RIMBP2: variants seen among roughly 807,000 people sequenced by gnomAD.
RIMBP2 encodes RIMS binding protein 2, also known as RIMS-binding protein 2.
RIMBP2 carries 48 observed loss-of-function variants against 118.6 expected under a neutral mutation model. That is an observed-to-expected ratio of 0.40 (90% CI 0.32 to 0.51). The LOEUF (loss-of-function observed/expected upper bound fraction) is 0.51. Among genes scored for constraint, RIMBP2 ranks in the 20% least tolerant of loss-of-function variants. The probability of loss-of-function intolerance (pLI) is 0.41; values close to 1 mark genes in which losing one functional copy is unlikely to be tolerated. For synonymous variants in RIMBP2, 762 were observed against 742.9 expected (o/e 1.03, Z -0.42); for missense variants, 1,551 against 1,768.3 (o/e 0.88, Z 2.20).
chr12:130,421,638 G>A (rs76864520), intron 17 of RIMBP2, among the ~76,000 whole-genome samples: 9,361 of 151,738 alleles, frequency 0.062, 306 homozygotes, highest in Admixed American at 0.11. Flanking sequence ...GCCAAACCAA[G>A]ACGGTTTCTC....
rs1200394062 is a variant in RIMBP2, at chr12:130,451,309, C to G, written c.390G>C (p.Ala130=). The G allele has an allele frequency of 6.2e-7, 1 of 1,613,802 alleles. No homozygotes were observed. Among genetic ancestry groups the G allele is most frequent in the East Asian group, 2.2e-5 (1 of 44,880 alleles). ...GQESAIGGSS[A]IGEYIRPLPQ... Reference sequence around the variant, plus strand: ...GAAGGGGCCGGATATATTCACCGATCGCAGAGCTGCCTCCAATAGCGCTCT... The same window carrying G: ...GAAGGGGCCGGATATATTCACCGATGGCAGAGCTGCCTCCAATAGCGCTCT... The change falls in exon 8 of 23, where the codon GCG becomes GCC. Residue 130 remains alanine, a synonymous_variant. Coordinates refer to ENST00000690449, the MANE Select transcript of RIMBP2 (RefSeq NM_001393629.1).
rs904954927 is a variant in RIMBP2, at chr12:130,587,843, GA to G, written c.-217+40478del. The stretch of plus-strand genomic sequence containing the variant: ...TTAAAGTATAATAAAAAAAAAAAAA[GA>G]AAAAAAAAAGAAGAGATGGGGGAGC... On this transcript the variant is annotated intron_variant, in intron 2 of 22. Transcript: ENST00000690449. 6.2e-3 allele frequency among the ~76,000 whole-genome samples: 846 copies of G among 135,772 alleles called. 6 individuals carry two copies. Among genetic ancestry groups the G allele is most frequent in the Non-Finnish European group, 9.3e-3 (580 of 62,638 alleles). 89.1% of individuals were successfully genotyped at this position (135,772 alleles called of 152,430 possible).
At chr12:130,497,231 G>A (rs959004602) in intron 4 of RIMBP2, among the ~76,000 whole-genome samples, 6 of 152,098 alleles carry the variant, frequency 3.9e-5, no homozygotes, top group Non-Finnish European at 5.9e-5. Flanking sequence ...TAGGCCCCGC[G>A]CCCCAGTTCT....
At chr12:130,713,110 A>C (rs1950036459) in intron 1 of RIMBP2, among the ~76,000 whole-genome samples, 1 of 98,342 alleles carries the variant, frequency 1.0e-5, no homozygotes, top group South Asian at 4.4e-4. Flanking sequence ...GGGAGAGAAA[A>C]GGAGAGAAAG....
Position 130,523,397 on chromosome 12 carries a change from G to C in RIMBP2, c.-216-5480C>G, listed in dbSNP as rs180806627. On this transcript the variant is annotated intron_variant, in intron 2 of 22. Transcript: ENST00000690449. This position sits in a 1 kb window ranked among gnomAD's most constrained non-coding sequence, Gnocchi z 4.4. ...GAGAGCTCTGTCATTTAAGCTGCCC[G>C]GTCTGTGGGATCCTGCTATGGCAGC... 2.0e-5 allele frequency among the ~76,000 whole-genome samples: 3 copies of C among 152,210 alleles called. No individual in the cohort carries two copies. The highest frequency in any genetic ancestry group is 4.4e-5 in the Non-Finnish European group (3 of 68,050).
intron 2 of RIMBP2, among the ~76,000 whole-genome samples, chr12:130,561,367 C>G (rs1004468296): frequency 1.8e-4 from 28 of 152,164 alleles, no homozygotes; most frequent in Admixed American, 1.2e-3. Flanking sequence ...ATGTCTCAAA[C>G]CAGGGGTTGA....
intron 1 of RIMBP2, among the ~76,000 whole-genome samples, chr12:130,631,552 A>G (rs1049124120): frequency 1.3e-5 from 2 of 152,090 alleles, no homozygotes; most frequent in Non-Finnish European, 2.9e-5. Context: ...CTGAATCATG[A>G]CAAACAGAAG....
chr12:130,664,425 A>ACGCACGCACG lies in RIMBP2; in HGVS notation c.-351-35970_-351-35969insCGTGCGTGCG, dbSNP rs1566439074. On this transcript the variant is annotated intron_variant, in intron 1 of 22. Transcript: ENST00000690449. ...CACGCACGCACGCACACACACGCAC[A>ACGCACGCACG]CACATGCATGCACGCACACACGCAC... is the stretch of plus-strand genomic sequence containing the variant. 5.1e-4 allele frequency among the ~76,000 whole-genome samples: 39 copies of ACGCACGCACG among 77,052 alleles called. 1 individual carries two copies. The highest frequency in any genetic ancestry group is 9.8e-4 in the Non-Finnish European group (28 of 28,644). The allele number at this position is 77,052 out of a possible 152,430, so 50.5% of individuals were successfully genotyped here.
At chr12:130,618,911 A>C (rs984366928) in intron 2 of RIMBP2, among the ~76,000 whole-genome samples, 1 of 152,150 alleles carries the variant, frequency 6.6e-6, no homozygotes, top group Non-Finnish European at 1.5e-5. Flanking sequence ...GGAGGGAGGA[A>C]GAGAGGACGA....
intron 4 of RIMBP2, among the ~76,000 whole-genome samples, chr12:130,485,318 CA>C (rs1218371094): frequency 3.3e-5 from 5 of 152,252 alleles, no homozygotes; most frequent in African/African-American, 1.2e-4. Context: ...TGCATCCCAG[CA>C]GAGCAACAGA....
Position 130,621,027 on chromosome 12 carries a change from G to A in RIMBP2, c.-217+7295C>T, listed in dbSNP as rs192121066. ...ACCTGCCTTGAGATCTGGCTGAATG[G>A]GGAGGCCTGAAAATATGCACACACC... On this transcript the variant is annotated intron_variant, in intron 2 of 22. Transcript: ENST00000690449. This position sits in a 1 kb window ranked among gnomAD's most constrained non-coding sequence, Gnocchi z 6.6. Among the ~76,000 whole-genome samples, 1 of 152,284 alleles carries A rather than the reference G, an allele frequency of 6.6e-6. No homozygotes were observed. Among genetic ancestry groups the A allele is most frequent in the Admixed American group, 6.5e-5 (1 of 15,282 alleles).
In RIMBP2 at chr12:130,437,043, G is replaced by A. The variant is rs774732133; in HGVS notation, c.1905C>T (p.His635=). The stretch of plus-strand genomic sequence containing the variant: ...GCTCCCAGGCCTCATCCATCCTGGC[G>A]TGGGGACCCAGGTGCTCGTCTTTGG... The part of the protein sequence containing the change: ...PETKDEHLGP[H]ARMDEAWEQS... The change falls in exon 13 of 23, where the codon CAC becomes CAT. Residue 635 remains histidine (H), a synonymous_variant. Transcript: ENST00000690449. 94 of 1,578,844 alleles carry A rather than the reference G, an allele frequency of 6.0e-5. No individual in the cohort carries two copies. Among genetic ancestry groups the A allele is most frequent in the Non-Finnish European group, 7.0e-5 (81 of 1,159,758 alleles).
chr12:130,655,908 CAA>C (rs1297059227), intron 1 of RIMBP2, among the ~76,000 whole-genome samples: 1 of 152,194 alleles, frequency 6.6e-6, no homozygotes, highest in African/African-American at 2.4e-5. Flanking sequence ...GCAGAGGAGA[CAA>C]GAGGGAAGAT....
rs558033395 is a variant in RIMBP2 at position 130,451,553 on chromosome 12, C to A, written c.359-213G>T. ...GGCCCGTCCAGCTGGCAGAGCCACC[C>A]TGGCGGTAACGCTGTTTGGGGGCTC... On this transcript the variant is annotated intron_variant, in intron 7 of 22. Coordinates refer to ENST00000690449, the MANE Select transcript of RIMBP2 (RefSeq NM_001393629.1). Among the ~76,000 whole-genome samples, 5 of 152,372 alleles carry A rather than the reference C, an allele frequency of 3.3e-5. No homozygotes were observed. In the South Asian group the frequency reaches 1.0e-3, roughly 32 times the overall value.
rs563931065 is a variant in RIMBP2 at position 130,424,178 on chromosome 12, G to C, written c.3093C>G (p.His1031Gln). Residue 1031 changes from histidine to glutamine, a missense_variant, in exon 16 of 23, where the codon CAC (histidine) becomes CAG (glutamine). Transcript: ENST00000690449. The surrounding 1 kb of genome is among the most constrained non-coding windows in gnomAD (Gnocchi z 9.8). ...GTGCGACTCTGGGAGGTGGCTTTGC[G>C]TGGGGGGCAGCTGCCCTACTGTCGG... ...TMPDSRAAAPHAKPPPRVAQG... is the reference protein window; with the variant it reads ...TMPDSRAAAPQAKPPPRVAQG... 1.3e-5 allele frequency: 16 copies of C among 1,232,090 alleles called. No individual in the cohort carries two copies. Among genetic ancestry groups the C allele is most frequent in the Non-Finnish European group, 1.6e-5 (16 of 988,032 alleles). 76.3% of individuals were successfully genotyped at this position (1,232,090 alleles called of 1,614,324 possible).
chr12:130,467,633 C>T (rs1475036430), intron 6 of RIMBP2, among the ~76,000 whole-genome samples: 1 of 152,218 alleles, frequency 6.6e-6, no homozygotes, highest in African/African-American at 2.4e-5. Context: ...TGCAACATCC[C>T]TGTCTTAATA....
intron 1 of RIMBP2, among the ~76,000 whole-genome samples, chr12:130,662,217 G>T (rs2063694211): frequency 6.6e-6 from 1 of 152,134 alleles, no homozygotes; most frequent in Admixed American, 6.5e-5. Context: ...ACGCTCTGGG[G>T]AGAGGTCAGT....
chr12:130,437,220 G>A lies in RIMBP2; in HGVS notation c.1728C>T (p.Ala576=), dbSNP rs1418199297. The part of the protein sequence containing the change: ...VELVRLRSLE[A]KGVTVRTLSA... Reference sequence around the variant, plus strand: ...AGAGGGTCCGCACGGTCACGCCCTTGGCCTCCAGGCTCCGCAGCCGCACAA... The same window carrying A: ...AGAGGGTCCGCACGGTCACGCCCTTAGCCTCCAGGCTCCGCAGCCGCACAA... Residue 576 remains alanine, a synonymous_variant, in exon 13 of 23, where the codon GCC becomes GCT. Coordinates refer to ENST00000690449, the MANE Select transcript of RIMBP2 (RefSeq NM_001393629.1). 3.2e-6 allele frequency: 5 copies of A among 1,585,232 alleles called. No homozygotes were observed.
chr12:130,464,580 T>C (rs1280167371), intron 6 of RIMBP2, among the ~76,000 whole-genome samples: 2 of 151,654 alleles, frequency 1.3e-5, no homozygotes, highest in Non-Finnish European at 3.0e-5. Context: ...ATACCTACTA[T>C]GTGCTTGGCC....
Sources: gnomAD v4.1 joint callset for allele counts (sites outside exome capture counted in the v4.1 genomes callset) on GRCh38, gnomAD v4.1.1 for gene constraint, Gnocchi (gnomAD v3.1) non-coding constraint, MANE v1.5 for transcripts, NCBI Gene and HGNC (gene_info 2026-07-23, HGNC 2026-07-21) for gene names.